Variants in CLVS1 observed in about 807,000 individuals in gnomAD.
CLVS1 encodes clavesin 1, also known as clavesin-1.
CLVS1 carries 10 observed loss-of-function variants against 33.1 expected under a neutral mutation model. That is an observed-to-expected ratio of 0.30 (90% CI 0.19 to 0.51). The LOEUF is 0.51. Ranked by LOEUF, CLVS1 falls within the 20% of genes least tolerant of loss-of-function variation. The pLI, the probability that CLVS1 is intolerant of heterozygous loss-of-function variation, is 0.97. For synonymous variants in CLVS1, 163 were observed against 166.1 expected, an observed-to-expected ratio of 0.98 and a Z score of 0.14; for missense variants, 343 against 433.4, an observed-to-expected ratio of 0.79 and a Z score of 1.85.
intron 2 of CLVS1, among the ~76,000 whole-genome samples, chr8:61,193,130 T>A (rs1209596516): frequency 6.6e-6 from 1 of 152,220 alleles, no homozygotes; most frequent in Non-Finnish European, 1.5e-5. Flanking sequence ...CAAATGTCCA[T>A]CAATGATAGA....
chr8:61,478,120 A>T (rs925410439), intron 5 of CLVS1, among the ~76,000 whole-genome samples: 4 of 152,090 alleles, frequency 2.6e-5, no homozygotes, highest in African/African-American at 9.7e-5. Context: ...CATGTAGTTG[A>T]GCGGTTTTGA....
intron 2 of CLVS1, among the ~76,000 whole-genome samples, chr8:61,334,324 G>A (rs1378103436): frequency 1.3e-5 from 2 of 152,208 alleles, no homozygotes; most frequent in African/African-American, 4.8e-5. Flanking sequence ...AGTGGGTATT[G>A]ATCAGTGGGG....
chr8:61,058,624 T>C (rs1428764754), intron 1 of CLVS1, among the ~76,000 whole-genome samples: 1 of 152,220 alleles, frequency 6.6e-6, no homozygotes, highest in Non-Finnish European at 1.5e-5. Flanking sequence ...TACCATGCAA[T>C]CATCACTACT....
intron 2 of CLVS1, among the ~76,000 whole-genome samples, chr8:61,178,222 T>C (rs1429899698): frequency 6.6e-6 from 1 of 151,418 alleles, no homozygotes; most frequent in Non-Finnish European, 1.5e-5. Context: ...AATAGCTGAG[T>C]AGATCAAGTG....
the CLVS1 span, among the ~76,000 whole-genome samples, chr8:61,003,332 T>C: frequency 6.6e-6 from 1 of 152,214 alleles, no homozygotes; most frequent in Admixed American, 6.5e-5. Flanking sequence ...TAAGGGTTAC[T>C]GTGATTTTTC....
chr8:61,091,121 G>A (rs1260815623), intron 1 of CLVS1, among the ~76,000 whole-genome samples: 1 of 152,198 alleles, frequency 6.6e-6, no homozygotes, highest in Non-Finnish European at 1.5e-5. Flanking sequence ...ATCGAGGTGG[G>A]CCTGAGGTAA....
At chr8:61,376,976 C>G in intron 3 of CLVS1, 197 bp downstream of exon 3, 1 of 517,284 alleles carries the variant, frequency 1.9e-6, no homozygotes, top group Non-Finnish European at 3.4e-6. Context: ...ATTAATAACT[C>G]CAAATTACTG....
At chr8:61,195,231 T>A (rs559712409) in intron 2 of CLVS1, among the ~76,000 whole-genome samples, 1 of 151,798 alleles carries the variant, frequency 6.6e-6, no homozygotes, top group Non-Finnish European at 1.5e-5. Context: ...AGTCAAAAGT[T>A]TTTTTAAAGA....
At chr8:61,240,901 T>A (rs1015388422) in intron 2 of CLVS1, among the ~76,000 whole-genome samples, 4 of 150,324 alleles carry the variant, frequency 2.7e-5, no homozygotes, top group Admixed American at 6.6e-5. Context: ...TAGGTTTTTT[T>A]TTTTTTTTTT....
the CLVS1 span, among the ~76,000 whole-genome samples, chr8:61,004,069 A>G: frequency 1.3e-5 from 2 of 152,214 alleles, no homozygotes; most frequent in Non-Finnish European, 2.9e-5. Flanking sequence ...AGAGGAGTCG[A>G]TTCAGACAAA....
chr8:61,204,560 G>A (rs1807801427), intron 2 of CLVS1, among the ~76,000 whole-genome samples: 1 of 152,128 alleles, frequency 6.6e-6, no homozygotes, highest in African/African-American at 2.4e-5. Flanking sequence ...TGTAGGAAAA[G>A]CATAATGAGA....
At chr8:61,480,707 A>G (rs2087901) in intron 5 of CLVS1, among the ~76,000 whole-genome samples, 86,049 of 151,848 alleles carry the variant, frequency 0.57, 27,948 homozygotes, top group Non-Finnish European at 0.72. Flanking sequence ...AGCTGTTCCT[A>G]TTCATCCATC....
chr8:61,402,508 A>G (rs1163014636), intron 3 of CLVS1, among the ~76,000 whole-genome samples: 1 of 152,210 alleles, frequency 6.6e-6, no homozygotes, highest in Non-Finnish European at 1.5e-5. Flanking sequence ...CGAGATCACA[A>G]TAAACCAAGT....
At chr8:61,150,788 G>T (rs773557134) in intron 2 of CLVS1, among the ~76,000 whole-genome samples, 1 of 152,176 alleles carries the variant, frequency 6.6e-6, no homozygotes, top group African/African-American at 2.4e-5. Context: ...GTGTGAGCTG[G>T]TTCCTGGAGT....
At chr8:61,446,596 G>T (rs1816764926) in intron 3 of CLVS1, among the ~76,000 whole-genome samples, 1 of 151,978 alleles carries the variant, frequency 6.6e-6, no homozygotes, top group African/African-American at 2.4e-5. Context: ...AAAGCCACCG[G>T]TCCTACTCCC....
At chr8:61,167,667 GT>G (rs1319262534) in intron 2 of CLVS1, among the ~76,000 whole-genome samples, 1 of 152,164 alleles carries the variant, frequency 6.6e-6, no homozygotes, top group African/African-American at 2.4e-5. Flanking sequence ...ATCCCAGATG[GT>G]TAAGGTATTC....
the CLVS1 span, among the ~76,000 whole-genome samples, chr8:61,040,766 C>T: frequency 6.6e-6 from 1 of 152,086 alleles, no homozygotes; most frequent in Non-Finnish European, 1.5e-5. Flanking sequence ...AATATTTTCT[C>T]CCATTCTCTG....
At chr8:61,418,562 T>C (rs1488757929) in intron 3 of CLVS1, among the ~76,000 whole-genome samples, 1 of 152,166 alleles carries the variant, frequency 6.6e-6, no homozygotes, top group East Asian at 1.9e-4. Context: ...CATAGATAAA[T>C]AAATATGGTG....
intron 2 of CLVS1, among the ~76,000 whole-genome samples, chr8:61,304,393 T>C (rs1488920569): frequency 1.3e-5 from 2 of 152,206 alleles, no homozygotes; most frequent in African/African-American, 2.4e-5. Context: ...TGCCTGGGCA[T>C]TGGACCTCAG....
Sources: gnomAD v4.1 joint callset for allele counts (sites outside exome capture counted in the v4.1 genomes callset) on GRCh38, gnomAD v4.1.1 for gene constraint, MANE v1.5 for transcripts, NCBI Gene and HGNC (gene_info 2026-07-23, HGNC 2026-07-21) for gene names.